Variants in EPS8L3 observed in about 807,000 individuals in gnomAD.
The protein encoded by EPS8L3 is EPS8 signaling adaptor L3, also known as epidermal growth factor receptor kinase substrate 8-like protein 3.
In EPS8L3, 80 loss-of-function variants were observed where a neutral mutation model predicts 88.5. That is an observed-to-expected ratio of 0.90 (90% confidence interval 0.75 to 1.09). EPS8L3 has a LOEUF of 1.09. Among genes scored for constraint, EPS8L3 ranks in the 50% least tolerant of loss-of-function variants. The pLI, the probability that EPS8L3 is intolerant of heterozygous loss-of-function variation, is 0.00. For missense variants in EPS8L3, 721 were observed against 735.2 expected (o/e 0.98, Z 0.22); for synonymous variants, 286 against 291.0 (o/e 0.98, Z 0.18).
In EPS8L3 at chr1:109,752,038, C is replaced by T; in HGVS notation, c.1391G>A (p.Arg464Lys). The T allele has an allele frequency of 1.2e-6, 2 of 1,613,764 alleles. No individual in the cohort carries two copies. Among genetic ancestry groups the T allele is most frequent in the East Asian group, 2.2e-5 (1 of 44,876 alleles). Reference protein sequence around the residue: ...KMQVLYEFEARNPRELTVVQG... With the variant: ...KMQVLYEFEAKNPRELTVVQG... ...GACCACAGTCAGTTCCCGTGGGTTC[C>T]TAGCTTCAAACTCGTACAAGACTTG... is the stretch of plus-strand genomic sequence containing the variant. Residue 464 changes from arginine (R) to lysine (K), a missense_variant, in exon 15 of 19, where the codon AGG becomes AAG. Coordinates refer to ENST00000361965, the MANE Select transcript of EPS8L3 (RefSeq NM_133181.4).
rs1570700410 is a variant in EPS8L3, at chr1:109,759,589, T to C, written c.255+89A>G. On this transcript the variant is annotated intron_variant, in intron 4 of 18. Transcript: ENST00000361965. This position sits in a 1 kb window ranked among gnomAD's most constrained non-coding sequence, Gnocchi z 4.2. ...TTGTATGTGGGGAGAGTGGCTGCCC[T>C]TTGGGGCATGGAGGGTGGAGTTCAA... 3.9e-6 allele frequency: 6 copies of C among 1,521,528 alleles called. No homozygotes were observed. In the South Asian group the frequency reaches 5.0e-5, roughly 13 times the overall value. The allele number at this position is 1,521,528 out of a possible 1,614,324, so 94.3% of individuals were successfully genotyped here. A position where few individuals can be genotyped will look rare whatever the true frequency, so the allele number is the denominator to read the frequency against.
chr1:109,751,593 C>T, intron 16 of EPS8L3, 61 bp downstream of exon 16: 1 of 1,610,344 alleles, frequency 6.2e-7, no homozygotes, highest in Non-Finnish European at 8.5e-7. Context: ...CCACTGAATC[C>T]TCCCCACCCC....
intron 13 of EPS8L3, 141 bp from the exon 14 acceptor site, chr1:109,752,861 A>T: frequency 3.7e-6 from 3 of 820,122 alleles, no homozygotes; most frequent in Admixed American, 2.1e-5. Flanking sequence ...CAGTTTACAG[A>T]TACAGGTACC....
chr1:109,756,987 C>T (rs775915128), intron 12 of EPS8L3, 30 bp downstream of exon 12: 94 of 1,614,000 alleles, frequency 5.8e-5, no homozygotes, highest in African/African-American at 8.0e-5. Context: ...CCCTCACCCC[C>T]GATTCAGTTC....
At position 109,750,395 on chromosome 1, in the gene EPS8L3, G is replaced by A. The variant is rs1184982864; in HGVS notation, c.1778C>T (p.Pro593Leu). ...EAVRRMLGIS[P>L] is the part of the protein sequence containing the mutation. The stretch of plus-strand genomic sequence containing the variant: ...TGGAGGTGTCTAAGCTGGTGCCTAA[G>A]GGCTTATCTGAGGAAAGACAAAGAT... The change falls in exon 19 of 19, where the codon CCT becomes CTT. Residue 593 changes from proline (P) to leucine (L), a missense_variant. Coordinates refer to ENST00000361965, the MANE Select transcript of EPS8L3 (RefSeq NM_133181.4). 2 of 1,613,758 alleles carry A rather than the reference G, an allele frequency of 1.2e-6. No individual in the cohort carries two copies. The highest frequency in any genetic ancestry group is 1.7e-5 in the Admixed American group (1 of 59,990).
At chr1:109,754,384 A>G (rs1437808481) in intron 12 of EPS8L3, among the ~76,000 whole-genome samples, 1 of 152,224 alleles carries the variant, frequency 6.6e-6, no homozygotes, top group Non-Finnish European at 1.5e-5. Context: ...CAAGTTATCT[A>G]AATATAATTT....
At position 109,751,829 on chromosome 1, in the gene EPS8L3, C is replaced by T. The variant is rs764977221; in HGVS notation, c.1435-47G>A. The T allele has an allele frequency of 1.9e-6, 3 of 1,608,042 alleles. No individual in the cohort carries two copies. The African/African-American group carries it at 4.0e-5, about 21-fold the overall frequency. Reference sequence around the variant, plus strand: ...GTCCCCTGAGCCTCTTTCCAGCCAGCCTTCCCTCCCCACACAAGGCTTTCT... The same window carrying T: ...GTCCCCTGAGCCTCTTTCCAGCCAGTCTTCCCTCCCCACACAAGGCTTTCT... On this transcript the variant is annotated intron_variant, in intron 15 of 18. Transcript: ENST00000361965.
chr1:109,756,321 C>T (rs1031232357), intron 12 of EPS8L3, among the ~76,000 whole-genome samples: 3 of 152,234 alleles, frequency 2.0e-5, no homozygotes, highest in Non-Finnish European at 2.9e-5. Context: ...TCACTACAAC[C>T]TCCGCCTCCC....
intron 1 of EPS8L3, among the ~76,000 whole-genome samples, chr1:109,763,368 A>C (rs1014155283): frequency 4.1e-5 from 6 of 144,968 alleles, no homozygotes; most frequent in African/African-American, 1.6e-4. Context: ...GGTCAGCCCC[A>C]CTCCCCACTC....
At chr1:109,757,583 C>T (rs374221236) in intron 10 of EPS8L3, 28 bp from the exon 11 acceptor site, 1 of 1,592,794 alleles carries the variant, frequency 6.3e-7, no homozygotes, top group Non-Finnish European at 8.6e-7. Context: ...TGCCTGTCAC[C>T]ACCCTTCACC....
chr1:109,758,235 C>G lies in EPS8L3; in HGVS notation c.717+81G>C, dbSNP rs541540514. ...CTGGCCATCCTGGGACCCTGGCCTC[C>G]TAGAAAAAGAGGGAGGGTTGGTGTC... is the stretch of plus-strand genomic sequence containing the variant. On this transcript the variant is annotated intron_variant, in intron 8 of 18. Transcript: ENST00000361965. The G allele has an allele frequency of 1.3e-4, 193 of 1,432,182 alleles. No individual in the cohort carries two copies. In the African/African-American group the frequency reaches 2.3e-3, roughly 17 times the overall value. The allele number at this position is 1,432,182 out of a possible 1,614,324, so 88.7% of individuals were successfully genotyped here.
chr1:109,757,683 T>C, intron 10 of EPS8L3, 119 bp downstream of exon 10: 1 of 1,392,294 alleles, frequency 7.2e-7, no homozygotes. Flanking sequence ...GGAGGGGAGG[T>C]TCTAGGGGGA....
In EPS8L3 at chr1:109,759,162, T is replaced by C. The variant is rs375458991; in HGVS notation, c.406-45A>G. 66 of 1,604,350 alleles carry C rather than the reference T, an allele frequency of 4.1e-5. No individual in the cohort carries two copies. Among genetic ancestry groups the C allele is most frequent in the Non-Finnish European group, 5.5e-5 (64 of 1,172,664 alleles). The stretch of plus-strand genomic sequence containing the variant: ...CAGGCTAAGTGTGTGTGTGTGTGTG[T>C]GTGTGTGTGTGTGTGTGTGTGGTGG... On this transcript the variant is annotated intron_variant, in intron 5 of 18. Coordinates refer to ENST00000361965, the MANE Select transcript of EPS8L3 (RefSeq NM_133181.4). The surrounding 1 kb of genome is among the most constrained non-coding windows in gnomAD (Gnocchi z 4.2).
At chr1:109,750,868 G>C in intron 17 of EPS8L3, 76 bp from the exon 18 acceptor site, 3 of 1,560,176 alleles carry the variant, frequency 1.9e-6, no homozygotes, top group Non-Finnish European at 2.6e-6. Flanking sequence ...CAGAGACAGG[G>C]CTCTTTGGGC....
In EPS8L3 at chr1:109,759,958, G is replaced by T; in HGVS notation, c.97-122C>A. ...GTCCTCGGCCCCCTTGAGGTAGGAGGTTCCAGGCTTCAGATAAAGCAACTT... is the reference window on the plus strand; with the variant it reads ...GTCCTCGGCCCCCTTGAGGTAGGAGTTTCCAGGCTTCAGATAAAGCAACTT... On this transcript the variant is annotated intron_variant, in intron 3 of 18. Transcript: ENST00000361965. The surrounding 1 kb of genome is among the most constrained non-coding windows in gnomAD (Gnocchi z 4.2). 1.8e-6 allele frequency: 2 copies of T among 1,087,380 alleles called. No homozygotes were observed. Among genetic ancestry groups the T allele is most frequent in the South Asian group, 1.6e-5 (1 of 63,066 alleles). 67.4% of individuals were successfully genotyped at this position (1,087,380 alleles called of 1,614,324 possible).
At chr1:109,753,273 A>C in intron 12 of EPS8L3, 75 bp from the exon 13 acceptor site, 1 of 1,163,928 alleles carries the variant, frequency 8.6e-7, no homozygotes, top group African/African-American at 1.5e-5. Flanking sequence ...GCGGACAGGG[A>C]GGGGACGACA....
In EPS8L3 at chr1:109,759,684, C is replaced by T. The variant is rs1425299527; in HGVS notation, c.249G>A (p.Glu83=). 1 of 1,613,610 alleles carries T rather than the reference C, an allele frequency of 6.2e-7. No individual in the cohort carries two copies. The highest frequency in any genetic ancestry group is 8.5e-7 in the Non-Finnish European group (1 of 1,179,912). Reference sequence around the variant, plus strand: ...GTTTGCTGGGAAGGCTGACCTTGGTCTCAATGTCCAGCAGCTGCAGCCAGC... The same window carrying T: ...GTTTGCTGGGAAGGCTGACCTTGGTTTCAATGTCCAGCAGCTGCAGCCAGC... ...RDGWLQLLDI[E]TKEELDSYRL... Residue 83 remains glutamate (E), a synonymous_variant, in exon 4 of 19, where the codon GAG becomes GAA. Coordinates refer to ENST00000361965, the MANE Select transcript of EPS8L3 (RefSeq NM_133181.4). The surrounding 1 kb of genome is among the most constrained non-coding windows in gnomAD (Gnocchi z 4.2).
chr1:109,757,388 T>C, intron 11 of EPS8L3, 93 bp downstream of exon 11: 1 of 1,304,102 alleles, frequency 7.7e-7, no homozygotes, highest in South Asian at 1.3e-5. Context: ...TGGCCCCTGC[T>C]CCCCCATCCC....
intron 10 of EPS8L3, 52 bp from the exon 11 acceptor site, chr1:109,757,607 A>T (rs1406741697): frequency 6.5e-7 from 1 of 1,536,386 alleles, no homozygotes; most frequent in African/African-American, 1.4e-5. Context: ...CCCCATCTTC[A>T]CCAGGTCACC....
Sources: gnomAD v4.1 joint callset for allele counts (sites outside exome capture counted in the v4.1 genomes callset) on GRCh38, gnomAD v4.1.1 for gene constraint, Gnocchi (gnomAD v3.1) non-coding constraint, MANE v1.5 for transcripts, NCBI Gene and HGNC (gene_info 2026-07-23, HGNC 2026-07-21) for gene names.